TENM2: variants seen among roughly 807,000 people sequenced by gnomAD.
The protein encoded by TENM2 is teneurin-2.
Under a neutral mutation model 245.2 loss-of-function variants are expected in TENM2, and 52 were observed. That is an observed-to-expected ratio of 0.21 (90% CI 0.17 to 0.27). The LOEUF is 0.27. TENM2 is among the 10% of genes least tolerant of loss of function. The pLI is 1.00. For missense variants in TENM2, 3,046 were observed against 3,666.8 expected (o/e 0.83, Z 4.37); for synonymous variants, 1,363 against 1,438.9 (o/e 0.95, Z 1.19).
intron 23 of TENM2, among the ~76,000 whole-genome samples, 155 bp downstream of exon 25, chr5:168,219,154 C>G (rs1345755377): frequency 6.6e-6 from 1 of 152,228 alleles, no homozygotes; most frequent in Non-Finnish European, 1.5e-5. Context: ...TGTCCCCTCT[C>G]CCTGACTCTG....
At chr5:167,523,828 A>G (rs1476787224) in intron 2 of TENM2, among the ~76,000 whole-genome samples, 1 of 152,208 alleles carries the variant, frequency 6.6e-6, no homozygotes, top group Non-Finnish European at 1.5e-5. Context: ...TTACGAAGAA[A>G]AGAGAGCATT....
intron 1 of TENM2, among the ~76,000 whole-genome samples, chr5:167,339,476 A>G (rs544692832): frequency 4.0e-5 from 6 of 151,656 alleles, no homozygotes; most frequent in African/African-American, 1.5e-4. Flanking sequence ...AACCATACTC[A>G]TAGTGTTGTC....
At chr5:167,001,030 G>T in the TENM2 span, among the ~76,000 whole-genome samples, 1 of 152,100 alleles carries the variant, frequency 6.6e-6, no homozygotes, top group South Asian at 2.1e-4. Flanking sequence ...TTGGTTTGTT[G>T]ATTGATTGAT....
At chr5:167,642,319 T>A (rs1779665847) in intron 2 of TENM2, among the ~76,000 whole-genome samples, 1 of 152,124 alleles carries the variant, frequency 6.6e-6, no homozygotes, top group Admixed American at 6.6e-5. Flanking sequence ...AGACAATGAA[T>A]GTGAGAAGAG....
At chr5:167,646,346 G>T (rs1157970511) in intron 2 of TENM2, among the ~76,000 whole-genome samples, 2 of 151,226 alleles carry the variant, frequency 1.3e-5, no homozygotes, top group African/African-American at 4.9e-5. Context: ...TTATCCTTGG[G>T]TATTATTTTC....
At chr5:167,005,273 C>G in the TENM2 span, among the ~76,000 whole-genome samples, 7 of 152,118 alleles carry the variant, frequency 4.6e-5, no homozygotes, top group Non-Finnish European at 8.8e-5. Flanking sequence ...TAGACAACAT[C>G]TAAAAAATGT....
rs70976465 is a variant in TENM2, at chr5:168,154,147, T to TAAAAAAAAAAAAAA, written c.2423-8458_2423-8445dup. Reference sequence around the variant, plus strand: ...CATTTCCTCACATGATCACCTACTTTAAAAAAAAAAAAAAAAAAACAGTAA... The same window carrying TAAAAAAAAAAAAAA: ...CATTTCCTCACATGATCACCTACTTTAAAAAAAAAAAAAAAAAAAAAAAAAAAAAAAAACAGTAA... On this transcript the variant is annotated intron_variant, in intron 12 of 28. Coordinates refer to ENST00000518659, the Ensembl canonical transcript of TENM2. 2.0e-4 allele frequency among the ~76,000 whole-genome samples: 17 copies of TAAAAAAAAAAAAAA among 85,070 alleles called. 1 individual carries two copies. The highest frequency in any genetic ancestry group is 4.0e-4 in the South Asian group (1 of 2,520). The allele number at this position is 85,070 out of a possible 152,430, so 55.8% of individuals were successfully genotyped here. A position where few individuals can be genotyped will look rare whatever the true frequency, so the allele number is the denominator to read the frequency against.
chr5:167,208,357 T>G, the TENM2 span, among the ~76,000 whole-genome samples: 5 of 152,204 alleles, frequency 3.3e-5, no homozygotes, highest in African/African-American at 1.2e-4. Context: ...ACTAAATGAC[T>G]CACCCTTTAG....
intron 3 of TENM2, among the ~76,000 whole-genome samples, chr5:167,917,664 A>G (rs1000981030): frequency 2.6e-5 from 4 of 152,142 alleles, no homozygotes; most frequent in African/African-American, 9.7e-5. Context: ...AAATCCATGT[A>G]AAGCACTTCT....
intron 2 of TENM2, among the ~76,000 whole-genome samples, chr5:167,662,251 A>G (rs1156244383): frequency 6.6e-6 from 1 of 152,136 alleles, no homozygotes; most frequent in Non-Finnish European, 1.5e-5. Flanking sequence ...GGGTATGGGG[A>G]GTTGGGGTGG....
the TENM2 span, among the ~76,000 whole-genome samples, chr5:167,095,511 T>G: frequency 6.6e-6 from 1 of 152,110 alleles, no homozygotes; most frequent in Admixed American, 6.5e-5. Flanking sequence ...AATAGAAAGT[T>G]AGTGTTTTTT....
intron 1 of TENM2, among the ~76,000 whole-genome samples, chr5:167,328,637 T>G (rs1172088172): frequency 2.0e-5 from 3 of 152,180 alleles, no homozygotes; most frequent in Non-Finnish European, 2.9e-5. Context: ...TCAAATAAAA[T>G]AATCACACTA....
chr5:167,629,378 A>G (rs2127787946), intron 2 of TENM2, among the ~76,000 whole-genome samples: 1 of 152,348 alleles, frequency 6.6e-6, no homozygotes, highest in South Asian at 2.1e-4. Flanking sequence ...ATGATAAACT[A>G]CTTGGCATGT....
At chr5:167,312,653 A>G (rs915239517) in intron 1 of TENM2, among the ~76,000 whole-genome samples, 5 of 152,184 alleles carry the variant, frequency 3.3e-5, no homozygotes, top group African/African-American at 1.2e-4. Flanking sequence ...TTATGTGAAA[A>G]TTAAACTCAG....
At chr5:167,019,250 G>T in the TENM2 span, among the ~76,000 whole-genome samples, 1 of 152,058 alleles carries the variant, frequency 6.6e-6, no homozygotes, top group East Asian at 1.9e-4. Flanking sequence ...AATATTTCCA[G>T]GTAGAGAAGG....
At chr5:167,791,282 C>T (rs1441289854) in intron 2 of TENM2, among the ~76,000 whole-genome samples, 1 of 151,456 alleles carries the variant, frequency 6.6e-6, no homozygotes, top group Non-Finnish European at 1.5e-5. Flanking sequence ...TATATGTATG[C>T]AGGTGTGTAT....
intron 2 of TENM2, among the ~76,000 whole-genome samples, chr5:167,730,771 C>T (rs1449458538): frequency 6.6e-6 from 1 of 152,146 alleles, no homozygotes; most frequent in Admixed American, 6.5e-5. Flanking sequence ...GACATAAACT[C>T]TGATATCTTA....
At chr5:167,526,307 T>C (rs897508094) in intron 2 of TENM2, among the ~76,000 whole-genome samples, 6 of 151,164 alleles carry the variant, frequency 4.0e-5, no homozygotes, top group African/African-American at 1.5e-4. Flanking sequence ...TGTGAATGCA[T>C]AGAGTCAGCT....
At chr5:167,165,402 T>A in the TENM2 span, 3 of 152,106 alleles carry the variant, frequency 2.0e-5, no homozygotes, top group Non-Finnish European at 4.4e-5. Context: ...ATGAGATGAT[T>A]TTCTTACTTG....
Sources: gnomAD v4.1 joint callset for allele counts (sites outside exome capture counted in the v4.1 genomes callset) on GRCh38, gnomAD v4.1.1 for gene constraint, MANE v1.5 for transcripts, NCBI Gene and HGNC (gene_info 2026-07-23, HGNC 2026-07-21) for gene names.